Variants in DNAH17 observed in about 807,000 individuals in gnomAD.
DNAH17 encodes axonemal beta dynein heavy chain 17.
DNAH17 carries 376 observed loss-of-function variants against 485.6 expected under a neutral mutation model. The observed-to-expected ratio is 0.77, with a 90% CI of 0.71 to 0.84. The LOEUF (loss-of-function observed/expected upper bound fraction) is 0.84. Ranked by LOEUF, DNAH17 falls within the 40% of genes least tolerant of loss-of-function variation. DNAH17 has a pLI of 0.00. For missense variants in DNAH17, 6,370 were observed against 5,839.3 expected (o/e 1.09, Z -2.96); for synonymous variants, 3,031 against 2,405.9 (o/e 1.26, Z -7.60).
intron 48 of DNAH17, 25 bp from the exon 49 acceptor site, chr17:78,480,811 G>T (rs1352931809): frequency 6.4e-7 from 1 of 1,569,964 alleles, no homozygotes; most frequent in Non-Finnish European, 8.7e-7. Flanking sequence ...CAGCATTCAT[G>T]TTGTGCCCCT....
chr17:78,511,664 A>G (rs930023417), intron 26 of DNAH17, among the ~76,000 whole-genome samples: 13 of 152,222 alleles, frequency 8.5e-5, no homozygotes, highest in South Asian at 4.1e-4. Flanking sequence ...GGTGTCACAT[A>G]GTCAGATGTT....
chr17:78,445,007 A>G (rs898779731), intron 70 of DNAH17, among the ~76,000 whole-genome samples: 4 of 152,026 alleles, frequency 2.6e-5, no homozygotes, highest in Admixed American at 1.3e-4. Context: ...CCTCCTCGGC[A>G]GGGTCTAACC....
intron 69 of DNAH17, among the ~76,000 whole-genome samples, chr17:78,448,822 AC>A (rs1364779705): frequency 3.3e-5 from 5 of 152,184 alleles, no homozygotes; most frequent in Non-Finnish European, 5.9e-5. Context: ...ATGGGATGAC[AC>A]AGCAAGAAGG....
intron 19 of DNAH17, among the ~76,000 whole-genome samples, chr17:78,533,473 G>A (rs764283585): frequency 6.6e-6 from 1 of 152,098 alleles, no homozygotes; most frequent in Admixed American, 6.6e-5. Context: ...GCGTGTTAGG[G>A]GAACTAAAGG....
At chr17:78,546,604 A>C (rs948166849) in intron 16 of DNAH17, among the ~76,000 whole-genome samples, 13 of 152,178 alleles carry the variant, frequency 8.5e-5, no homozygotes, top group Admixed American at 7.9e-4. Context: ...TGTTTCTCTA[A>C]TTTTGGAAAT....
rs1250609041 is a variant in DNAH17 at position 78,486,482 on chromosome 17, CCTCTCGATCCAGCTG to C, written c.6828_6842del (p.Ser2276_Glu2280del). On this transcript the variant is annotated inframe_deletion, in exon 45 of 81. Transcript: ENST00000389840. ...TGGCCTTCTCCGACTGCACCTTGCG[CCTCTCGATCCAGCTG>C]CTCACCACCCTGGGGGTGACAGGAG... is the stretch of plus-strand genomic sequence containing the variant. The C allele has an allele frequency of 2.5e-6, 4 of 1,610,498 alleles. No individual in the cohort carries two copies. The highest frequency in any genetic ancestry group is 2.5e-6 in the Non-Finnish European group (3 of 1,177,830).
intron 75 of DNAH17, among the ~76,000 whole-genome samples, chr17:78,433,548 C>G (rs1312370408): frequency 2.6e-5 from 4 of 152,190 alleles, no homozygotes; most frequent in Non-Finnish European, 5.9e-5. Flanking sequence ...TCCCTTCTAT[C>G]CGGGGAGGTT....
At chr17:78,455,329 C>T (rs1189327830) in intron 63 of DNAH17, among the ~76,000 whole-genome samples, 2 of 121,646 alleles carry the variant, frequency 1.6e-5, no homozygotes, top group African/African-American at 7.2e-5. Flanking sequence ...AGTAGGACTC[C>T]ATTTTTTTTT....
rs2089606225 is a variant in DNAH17, at chr17:78,486,300, G to A, written c.7025C>T (p.Ser2342Phe). 4 of 1,612,838 alleles carry A rather than the reference G, an allele frequency of 2.5e-6. No individual in the cohort carries two copies. Among genetic ancestry groups the A allele is most frequent in the Admixed American group, 1.7e-5 (1 of 59,972 alleles). ...LLTEKTVPPD[S>F]PRELYELYFV... ...GTACAGCTCGTACAGCTCCCTGGGGGAGTCGGGGGGCACGGTCTTCTCCGT... is the reference window on the plus strand; with the variant it reads ...GTACAGCTCGTACAGCTCCCTGGGGAAGTCGGGGGGCACGGTCTTCTCCGT... The change falls in exon 45 of 81, where the codon TCC becomes TTC. Residue 2342 changes from serine to phenylalanine, a missense_variant. By Grantham distance (155) the Ser-to-Phe change is radical. Coordinates refer to ENST00000389840, the MANE Select transcript of DNAH17 (RefSeq NM_173628.4).
chr17:78,524,263 G>C (rs568438202), intron 25 of DNAH17, among the ~76,000 whole-genome samples: 12 of 152,216 alleles, frequency 7.9e-5, no homozygotes, highest in Non-Finnish European at 1.6e-4. Context: ...TCAGCTTCCC[G>C]AGTAGCTGGG....
chr17:78,560,602 G>T, intron 13 of DNAH17, 138 bp downstream of exon 13: 1 of 904,466 alleles, frequency 1.1e-6, no homozygotes, highest in Non-Finnish European at 1.6e-6. Flanking sequence ...ATATACCCTG[G>T]ACACACTTAA....
At chr17:78,562,893 C>T (rs1446960642) in intron 11 of DNAH17, among the ~76,000 whole-genome samples, 1 of 152,172 alleles carries the variant, frequency 6.6e-6, no homozygotes, top group African/African-American at 2.4e-5. Context: ...TCACACGAAA[C>T]AGGGTCCCCC....
chr17:78,452,132 G>A (rs922723533), intron 65 of DNAH17, among the ~76,000 whole-genome samples: 1 of 151,782 alleles, frequency 6.6e-6, no homozygotes, highest in Non-Finnish European at 1.5e-5. Flanking sequence ...GGGGCCTCTG[G>A]CTAGCTTCAC....
chr17:78,527,078 A>C, intron 22 of DNAH17, 82 bp from the exon 23 acceptor site: 1 of 1,242,130 alleles, frequency 8.1e-7, no homozygotes, highest in Non-Finnish European at 1.1e-6. Context: ...AGAGACTGGT[A>C]AGAAGCTGCA....
chr17:78,557,636 C>CA (rs34251460), intron 14 of DNAH17, among the ~76,000 whole-genome samples: 1,762 of 29,032 alleles, frequency 0.061, 318 homozygotes, highest in East Asian at 0.093. Context: ...GAGACTGTCT[C>CA]AAAAAAAAAA....
At chr17:78,429,527 T>G (rs113761180) in intron 75 of DNAH17, among the ~76,000 whole-genome samples, 2 of 152,286 alleles carry the variant, frequency 1.3e-5, no homozygotes, top group African/African-American at 4.8e-5. Flanking sequence ...CCCTTTGGCT[T>G]CTCTCACAAG....
In DNAH17 at chr17:78,479,622, C is replaced by T; in HGVS notation, c.7763G>A (p.Cys2588Tyr). The change falls in exon 50 of 81, where the codon TGC (cysteine) becomes TAC (tyrosine). Residue 2588 changes from cysteine to tyrosine, a missense_variant. Coordinates refer to ENST00000389840, the MANE Select transcript of DNAH17 (RefSeq NM_173628.4). ...GCCGGGGAAGCTCACAGCAAACACG[C>T]AGAAATGGCGCTACCCCAAAACAAC... ...TIDSRLQRHF[C>Y]VFAVSFPGQE... is the part of the protein sequence containing the mutation. 2 of 1,613,000 alleles carry T rather than the reference C, an allele frequency of 1.2e-6. No individual in the cohort carries two copies. Among genetic ancestry groups the T allele is most frequent in the Non-Finnish European group, 1.7e-6 (2 of 1,179,744 alleles).
chr17:78,443,275 A>C (rs2087143301), intron 71 of DNAH17, among the ~76,000 whole-genome samples: 1 of 152,200 alleles, frequency 6.6e-6, no homozygotes, highest in Non-Finnish European at 1.5e-5. Context: ...GCACACTCCC[A>C]CAGGAGAGGG....
rs1049289562 is a variant in DNAH17, at chr17:78,483,743, C to T, written c.7649+1125G>A. On this transcript the variant is annotated intron_variant, in intron 48 of 80. Coordinates refer to ENST00000389840, the MANE Select transcript of DNAH17 (RefSeq NM_173628.4). ...CTGCCTTTCTCGGCATGAGGCCAGG[C>T]TTCATGAACGAGCAGACTAGTTTCT... Among the ~76,000 whole-genome samples the T allele has an allele frequency of 2.6e-5, 4 of 152,196 alleles. 1 individual carries two copies. Among genetic ancestry groups the T allele is most frequent in the African/African-American group, 9.6e-5 (4 of 41,458 alleles).
Sources: allele counts gnomAD v4.1 joint callset (sites outside exome capture counted in the v4.1 genomes callset), GRCh38; gene constraint gnomAD v4.1.1; transcripts MANE v1.5; gene names NCBI Gene and HGNC (gene_info 2026-07-23, HGNC 2026-07-21).